The following ELAPOR2 variants were observed in gnomAD, a reference collection of about 807,000 sequenced individuals.
The protein encoded by ELAPOR2 is endosome-lysosome associated apoptosis and autophagy regulator family member 2.
A neutral mutation model predicts 120.7 loss-of-function variants in ELAPOR2; 89 were observed. The ratio of observed to expected loss-of-function variants is 0.74; its 90% CI spans 0.62 to 0.88. The LOEUF is 0.88. ELAPOR2 is among the 40% of genes least tolerant of loss of function. The pLI, the probability that ELAPOR2 is intolerant of heterozygous loss-of-function variation, is 0.00. For missense variants in ELAPOR2, 1,134 were observed against 1,251.6 expected (o/e 0.91, Z 1.42); for synonymous variants, 444 against 444.9 (o/e 1.00, Z 0.03).
intron 19 of ELAPOR2, among the ~76,000 whole-genome samples, 167 bp from the exon 20 acceptor site, chr7:86,893,267 A>G (rs927033785): frequency 6.6e-6 from 1 of 152,034 alleles, no homozygotes; most frequent in African/African-American, 2.4e-5. Flanking sequence ...TTCATTTAAT[A>G]AAAGCTCCAG....
rs138183108 is a variant in ELAPOR2 at position 86,996,823 on chromosome 7, C to A, written c.190-31799G>T. The stretch of plus-strand genomic sequence containing the variant: ...CTATCACTCCTCATCTCTCCTTCCT[C>A]CCATGCCTGGCAAACACTAATCTTT... On this transcript the variant is annotated intron_variant, in intron 1 of 21. Transcript: ENST00000450689. Among the ~76,000 whole-genome samples the A allele has an allele frequency of 5.5e-3, 839 of 152,274 alleles. 9 individuals carry two copies. Among genetic ancestry groups the A allele is most frequent in the African/African-American group, 0.019 (798 of 41,550 alleles).
chr7:87,052,255 C>T (rs1294890858), intron 1 of ELAPOR2, among the ~76,000 whole-genome samples: 1 of 152,184 alleles, frequency 6.6e-6, no homozygotes, highest in Non-Finnish European at 1.5e-5. Context: ...CTAGGGAGGC[C>T]TCACAATCAT....
At chr7:87,057,201 T>C (rs1004206776) in intron 1 of ELAPOR2, among the ~76,000 whole-genome samples, 2 of 152,230 alleles carry the variant, frequency 1.3e-5, no homozygotes, top group Non-Finnish European at 2.9e-5. Context: ...CTCAAGAGGA[T>C]ACCCTTTCCC....
At chr7:86,980,960 G>A (rs539817276) in intron 1 of ELAPOR2, among the ~76,000 whole-genome samples, 45 of 152,262 alleles carry the variant, frequency 3.0e-4, no homozygotes, top group African/African-American at 1.0e-3. Context: ...TGGAGAGGCT[G>A]ACCTTTCTGG....
intron 3 of ELAPOR2, 146 bp downstream of exon 3, chr7:86,947,581 A>T (rs191048929): frequency 4.2e-4 from 288 of 688,628 alleles, no homozygotes; most frequent in Admixed American, 2.3e-3. Context: ...CATTGCAATG[A>T]CCGTCCAAAA....
At chr7:87,033,672 A>T (rs1456743958) in intron 1 of ELAPOR2, among the ~76,000 whole-genome samples, 2 of 152,152 alleles carry the variant, frequency 1.3e-5, no homozygotes, top group African/African-American at 4.8e-5. Context: ...TTTCAAAATT[A>T]TTCTGAAGTT....
intron 2 of ELAPOR2, among the ~76,000 whole-genome samples, chr7:86,961,963 A>G (rs1791728289): frequency 6.6e-6 from 1 of 152,280 alleles, no homozygotes; most frequent in Admixed American, 6.5e-5. Context: ...AGTTCTCCAC[A>G]GCAGAGAGGA....
At chr7:87,058,698 T>C (rs1344046330) in intron 1 of ELAPOR2, among the ~76,000 whole-genome samples, 1 of 152,190 alleles carries the variant, frequency 6.6e-6, no homozygotes. Context: ...CACTGTCTTT[T>C]CTAATTTTCT....
At chr7:86,938,472 A>G (rs11978346) in intron 7 of ELAPOR2, among the ~76,000 whole-genome samples, 3,620 of 152,118 alleles carry the variant, frequency 0.024, 133 homozygotes, top group African/African-American at 0.083. Flanking sequence ...CATCATCACT[A>G]TACATTGGAA....
chr7:86,978,058 A>G lies in ELAPOR2; in HGVS notation c.190-13034T>C, dbSNP rs577606508. 2.6e-5 allele frequency among the ~76,000 whole-genome samples: 4 copies of G among 152,306 alleles called. No homozygotes were observed. In the South Asian group the frequency reaches 8.3e-4, roughly 32 times the overall value. On this transcript the variant is annotated intron_variant, in intron 1 of 21. Transcript: ENST00000450689. ...AATTTTACTTTTAATTGTAATCGCC[A>G]TAATTTCCACCTGTCAAGGGTGGGA...
chr7:87,025,542 T>A (rs993710625), intron 1 of ELAPOR2, among the ~76,000 whole-genome samples: 1 of 152,076 alleles, frequency 6.6e-6, no homozygotes, highest in Non-Finnish European at 1.5e-5. Flanking sequence ...CTGGGTCTCT[T>A]GACTCACAGG....
Position 86,940,048 on chromosome 7 carries a change from G to T in ELAPOR2, c.809C>A (p.Ala270Glu). The T allele has an allele frequency of 2.5e-6, 4 of 1,611,112 alleles. No individual in the cohort carries two copies. Among genetic ancestry groups the T allele is most frequent in the Non-Finnish European group, 3.4e-6 (4 of 1,178,090 alleles). The change falls in exon 6 of 22, where the codon GCG (alanine) becomes GAG (glutamate). Residue 270 changes from alanine (A) to glutamate (E), a missense_variant. Transcript: ENST00000450689. ...ATTTTTTACCAGCACAGGCTTGACC[G>T]CCTTAGAACCCATAAGGATGCCTGT... Reference protein sequence around the residue: ...RTTGILMGSKAVKPVLVKNIT... With the variant: ...RTTGILMGSKEVKPVLVKNIT...
chr7:86,910,446 T>C (rs1045024301), intron 15 of ELAPOR2, among the ~76,000 whole-genome samples: 9 of 152,050 alleles, frequency 5.9e-5, no homozygotes, highest in African/African-American at 1.2e-4. Flanking sequence ...AGAAAGGTAA[T>C]GTGAAGGCTA....
At chr7:86,986,003 G>C (rs190188690) in intron 1 of ELAPOR2, among the ~76,000 whole-genome samples, 2 of 152,168 alleles carry the variant, frequency 1.3e-5, no homozygotes, top group African/African-American at 4.8e-5. Flanking sequence ...ACTGGTGCAA[G>C]ACAGGGATGC....
At chr7:87,032,859 C>A (rs112090481) in intron 1 of ELAPOR2, among the ~76,000 whole-genome samples, 3,142 of 152,260 alleles carry the variant, frequency 0.021, 51 homozygotes, top group Non-Finnish European at 0.031. Flanking sequence ...TACCTACACA[C>A]CTTGTGTGTG....
At chr7:86,907,871 A>C (rs1402651391) in intron 17 of ELAPOR2, 100 bp from the exon 18 acceptor site, 18 of 572,860 alleles carry the variant, frequency 3.1e-5, no homozygotes, top group Non-Finnish European at 8.7e-6. Flanking sequence ...GAACAAATGA[A>C]AAAGAAAAAT....
intron 1 of ELAPOR2, among the ~76,000 whole-genome samples, chr7:86,976,336 A>G (rs999181740): frequency 6.6e-6 from 1 of 152,232 alleles, no homozygotes; most frequent in Non-Finnish European, 1.5e-5. Flanking sequence ...GAGGAAATAT[A>G]AAAAGCAGTC....
chr7:86,901,355 G>A (rs549421170), intron 18 of ELAPOR2, among the ~76,000 whole-genome samples: 2 of 152,166 alleles, frequency 1.3e-5, no homozygotes, highest in East Asian at 3.9e-4. Context: ...TTCTAAAAGG[G>A]GATACATTCT....
At chr7:86,887,313 A>C (rs1359554454) in intron 21 of ELAPOR2, among the ~76,000 whole-genome samples, 1 of 152,106 alleles carries the variant, frequency 6.6e-6, no homozygotes, top group Non-Finnish European at 1.5e-5. Flanking sequence ...CTGCCATCAT[A>C]GACTGGGCAC....
Sources: allele counts gnomAD v4.1 joint callset (sites outside exome capture counted in the v4.1 genomes callset), GRCh38; gene constraint gnomAD v4.1.1; transcripts MANE v1.5; gene names NCBI Gene and HGNC (gene_info 2026-07-23, HGNC 2026-07-21).